The following FRMPD4 variants were observed in gnomAD, a reference collection of about 807,000 sequenced individuals.
The protein encoded by FRMPD4 is FERM and PDZ domain-containing protein 4.
Under a neutral mutation model 94.1 loss-of-function variants are expected in FRMPD4, and 22 were observed. The observed-to-expected ratio is 0.23, with a 90% CI of 0.17 to 0.33. The LOEUF is 0.33. Ranked by LOEUF, FRMPD4 falls within the 10% of genes least tolerant of loss-of-function variation. FRMPD4 has a pLI of 1.00. For synonymous variants in FRMPD4, 631 were observed against 548.6 expected (o/e 1.15, Z -2.10); for missense variants, 1,111 against 1,339.9 (o/e 0.83, Z 2.67).
chrX:12,457,989 A>G (rs1486974026), intron 1 of FRMPD4, among the ~76,000 whole-genome samples: 2 of 111,771 alleles, frequency 1.8e-5, no homozygotes, highest in Non-Finnish European at 3.8e-5. Context: ...CTTAATGATA[A>G]GGTTTACTCA....
intron 2 of FRMPD4, among the ~76,000 whole-genome samples, chrX:12,516,561 T>C (rs1032301700): frequency 9.0e-6 from 1 of 111,678 alleles, no homozygotes; most frequent in Non-Finnish European, 1.9e-5. Context: ...TGCTGAGAGA[T>C]CTGTTATTCT....
At chrX:12,100,655 G>A (rs2055248014) in intron 3 of FRMPD4, among the ~76,000 whole-genome samples, 1 of 112,034 alleles carries the variant, frequency 8.9e-6, no homozygotes, top group Admixed American at 9.5e-5. Flanking sequence ...ATATTAATTT[G>A]TTGCTGTCTT....
intron 3 of FRMPD4, among the ~76,000 whole-genome samples, chrX:11,933,011 G>A (rs903394789): frequency 8.9e-6 from 1 of 112,051 alleles, no homozygotes; most frequent in African/African-American, 3.2e-5. Context: ...TACAGTGCCT[G>A]GCACTTAGCA....
chrX:12,362,997 ATGTCTTCTT>A (rs1407409869), intron 1 of FRMPD4, among the ~76,000 whole-genome samples: 1 of 112,397 alleles, frequency 8.9e-6, no homozygotes, highest in Non-Finnish European at 1.9e-5. Context: ...GGCTGCATAA[ATGTCTTCTT>A]TTGAGAAGTG....
At chrX:12,506,296 G>T (rs886851345) in intron 2 of FRMPD4, among the ~76,000 whole-genome samples, 5 of 110,968 alleles carry the variant, frequency 4.5e-5, no homozygotes, top group African/African-American at 1.7e-4. Flanking sequence ...CCTATTTAAT[G>T]ACTTTTTTTT....
rs1178803293 is a variant in FRMPD4 at position 11,941,160 on chromosome X, GCA to G, written c.95+63150_95+63151del. On this transcript the variant is annotated intron_variant, in intron 3 of 18. Coordinates refer to the FRMPD4 transcript ENST00000640291. ...CCCTGCTTCGGCTCGCGCACGGTGC[GCA>G]CACACACTGGCCTGCGCCCACTGTC... is the stretch of plus-strand genomic sequence containing the variant. 4.0e-3 allele frequency among the ~76,000 whole-genome samples: 205 copies of G among 51,145 alleles called. 24 individuals carry two copies. Among genetic ancestry groups the G allele is most frequent in the Non-Finnish European group, 6.4e-3 (159 of 24,711 alleles). The allele number at this position is 51,145 out of a possible 115,157, so 44.4% of individuals were successfully genotyped here.
intron 3 of FRMPD4, among the ~76,000 whole-genome samples, chrX:11,956,283 G>A (rs976207196): frequency 3.6e-5 from 4 of 111,456 alleles, no homozygotes; most frequent in African/African-American, 1.3e-4. Context: ...TCTTATTAGT[G>A]CTCCATTTTC....
intron 2 of FRMPD4, among the ~76,000 whole-genome samples, chrX:11,871,725 G>A (rs183900597): frequency 1.4e-4 from 16 of 111,996 alleles, no homozygotes; most frequent in African/African-American, 4.5e-4. Flanking sequence ...GCAAAATGTG[G>A]AGAGAGTGAA....
intron 2 of FRMPD4, among the ~76,000 whole-genome samples, chrX:12,561,544 A>G (rs1602133918): frequency 1.8e-5 from 2 of 112,017 alleles, no homozygotes. Flanking sequence ...GGTCCCATAA[A>G]AGATTTTTAA....
At chrX:12,527,533 A>C (rs1426622169) in intron 2 of FRMPD4, among the ~76,000 whole-genome samples, 1 of 105,175 alleles carries the variant, frequency 9.5e-6, no homozygotes, top group Non-Finnish European at 1.9e-5. Flanking sequence ...AAACATAAGC[A>C]AATCACCACA....
At chrX:12,519,766 A>G (rs1231632777) in intron 2 of FRMPD4, among the ~76,000 whole-genome samples, 1 of 112,619 alleles carries the variant, frequency 8.9e-6, no homozygotes, top group Non-Finnish European at 1.9e-5. Context: ...ACATTTCTTC[A>G]AAGATGATAA....
intron 1 of FRMPD4, among the ~76,000 whole-genome samples, chrX:12,414,220 C>G (rs756341501): frequency 8.9e-6 from 1 of 112,674 alleles, no homozygotes; most frequent in African/African-American, 3.2e-5. Flanking sequence ...ATCCTATCCA[C>G]ACAACACACT....
intron 4 of FRMPD4, among the ~76,000 whole-genome samples, chrX:12,648,218 C>T (rs968223707): frequency 2.7e-5 from 3 of 111,602 alleles, no homozygotes; most frequent in Admixed American, 9.5e-5. Context: ...CAACTCTTTC[C>T]AGTCTTCCTT....
chrX:12,493,578 A>G (rs188908658), intron 1 of FRMPD4, among the ~76,000 whole-genome samples: 1 of 112,113 alleles, frequency 8.9e-6, no homozygotes, highest in Non-Finnish European at 1.9e-5. Flanking sequence ...AAGAAAGCTG[A>G]TAAGTTGTTA....
At chrX:12,633,917 CAACTT>C (rs758237030) in intron 4 of FRMPD4, among the ~76,000 whole-genome samples, 98 of 112,612 alleles carry the variant, frequency 8.7e-4, no homozygotes, top group African/African-American at 3.1e-3. Flanking sequence ...CACTTGATAA[CAACTT>C]AAAGATAAAA....
At chrX:12,193,043 G>A (rs1289566535) in intron 1 of FRMPD4, among the ~76,000 whole-genome samples, 4 of 111,657 alleles carry the variant, frequency 3.6e-5, no homozygotes, top group African/African-American at 6.5e-5. Flanking sequence ...AATAGAGTGC[G>A]CAACTTCCTT....
chrX:11,887,080 T>A (rs1317618464), intron 3 of FRMPD4, among the ~76,000 whole-genome samples: 1 of 112,152 alleles, frequency 8.9e-6, no homozygotes, highest in African/African-American at 3.2e-5. Flanking sequence ...GAATATCCTT[T>A]TACTCCAATT....
At chrX:12,522,199 C>G (rs930823045) in intron 2 of FRMPD4, among the ~76,000 whole-genome samples, 10 of 111,728 alleles carry the variant, frequency 9.0e-5, no homozygotes, top group Non-Finnish European at 1.7e-4. Flanking sequence ...TTTGTCCCAG[C>G]CAGTGGCATC....
intron 3 of FRMPD4, among the ~76,000 whole-genome samples, chrX:11,981,644 A>G (rs995916917): frequency 4.5e-5 from 5 of 111,717 alleles, no homozygotes; most frequent in Non-Finnish European, 7.5e-5. Context: ...TTAACAAGCA[A>G]GTACGGTCTA....
Sources: allele counts gnomAD v4.1 joint callset (sites outside exome capture counted in the v4.1 genomes callset), GRCh38; gene constraint gnomAD v4.1.1; transcripts MANE v1.5; gene names NCBI Gene and HGNC (gene_info 2026-07-23, HGNC 2026-07-21).